The following PDE10A variants were observed in gnomAD, a reference collection of about 807,000 sequenced individuals.
PDE10A encodes phosphodiesterase 10A.
A neutral mutation model predicts 97.7 loss-of-function variants in PDE10A; 39 were observed. The observed-to-expected ratio is 0.40, with a 90% CI of 0.31 to 0.52. PDE10A has a LOEUF of 0.52. Ranked by LOEUF, PDE10A falls within the 20% of genes least tolerant of loss-of-function variation. The pLI, the probability that PDE10A is intolerant of heterozygous loss-of-function variation, is 0.56. For missense variants in PDE10A, 731 were observed against 1,047.8 expected (o/e 0.70, Z 4.17); for synonymous variants, 371 against 376.8 (o/e 0.98, Z 0.18).
At chr6:165,673,753 C>A (rs1189945929) in intron 1 of PDE10A, among the ~76,000 whole-genome samples, 1 of 152,124 alleles carries the variant, frequency 6.6e-6, no homozygotes, top group Non-Finnish European at 1.5e-5. Flanking sequence ...GAGTTTTTCC[C>A]TGAGTTGAGC....
At chr6:165,681,572 C>T (rs755669849) in intron 1 of PDE10A, among the ~76,000 whole-genome samples, 17 of 152,212 alleles carry the variant, frequency 1.1e-4, no homozygotes, top group Non-Finnish European at 1.6e-4. Context: ...CAGGGGATAC[C>T]GATGCTGCCG....
intron 1 of PDE10A, among the ~76,000 whole-genome samples, chr6:165,820,144 T>A (rs936431582): frequency 1.2e-4 from 18 of 152,250 alleles, no homozygotes; most frequent in African/African-American, 4.3e-4. Flanking sequence ...GCTGTGTGAT[T>A]TGAATCCATA....
At chr6:165,409,456 A>G (rs111396623) in intron 13 of PDE10A, 7,046 of 152,574 alleles carry the variant, frequency 0.046, 248 homozygotes, top group Non-Finnish European at 0.065. Flanking sequence ...CTGAGGCTGG[A>G]GAATCGTTTA....
intron 1 of PDE10A, among the ~76,000 whole-genome samples, chr6:165,878,157 A>C (rs77585694): frequency 0.082 from 12,553 of 152,274 alleles, 545 homozygotes; most frequent in Middle Eastern, 0.17. Flanking sequence ...TTTACTACCC[A>C]AAACCTGCCA....
chr6:165,826,018 C>T (rs2128470066), intron 1 of PDE10A, among the ~76,000 whole-genome samples: 1 of 152,304 alleles, frequency 6.6e-6, no homozygotes, highest in South Asian at 2.1e-4. Context: ...TCTCAAGCTC[C>T]TGAGACACCC....
At chr6:165,365,837 T>G (rs553044596) in intron 18 of PDE10A, among the ~76,000 whole-genome samples, 14 of 152,306 alleles carry the variant, frequency 9.2e-5, no homozygotes, top group African/African-American at 3.1e-4. Flanking sequence ...TTATTTAAAG[T>G]CTTCCAGATC....
At position 165,363,175 on chromosome 6, in the gene PDE10A, T is replaced by G. The variant is rs187719022; in HGVS notation, c.2783+16019A>C. Reference sequence around the variant, plus strand: ...AATCAGAAACAAGAAAAGGATGTCTTCTCTTGTCACTGATATTCAGCATAA... The same window carrying G: ...AATCAGAAACAAGAAAAGGATGTCTGCTCTTGTCACTGATATTCAGCATAA... On this transcript the variant is annotated intron_variant, in intron 18 of 21. Coordinates refer to ENST00000539869, the MANE Select transcript of PDE10A (RefSeq NM_001385079.1). Among the ~76,000 whole-genome samples the G allele has an allele frequency of 9.2e-4, 140 of 152,260 alleles. 1 individual carries two copies. Among genetic ancestry groups the G allele is most frequent in the Admixed American group, 1.5e-3 (23 of 15,290 alleles).
At chr6:165,638,134 G>T (rs546733840) in intron 1 of PDE10A, among the ~76,000 whole-genome samples, 1 of 152,114 alleles carries the variant, frequency 6.6e-6, no homozygotes, top group South Asian at 2.1e-4. Context: ...CAAAGATTAT[G>T]CCTTTGTGAA....
chr6:165,778,385 A>T (rs547613005), intron 1 of PDE10A, among the ~76,000 whole-genome samples: 12 of 152,254 alleles, frequency 7.9e-5, no homozygotes, highest in Non-Finnish European at 1.2e-4. Flanking sequence ...GTTTATTTTC[A>T]TTCAGTATTT....
chr6:165,340,656 A>C (rs1007262587), intron 19 of PDE10A, among the ~76,000 whole-genome samples: 2 of 152,258 alleles, frequency 1.3e-5, no homozygotes, highest in African/African-American at 4.8e-5. Flanking sequence ...AAAGGAAAAG[A>C]ACCCAGTGCT....
chr6:165,721,182 C>G (rs925789553), intron 1 of PDE10A, among the ~76,000 whole-genome samples: 2 of 152,100 alleles, frequency 1.3e-5, no homozygotes, highest in East Asian at 3.9e-4. Flanking sequence ...GGGAGTAAAA[C>G]CAGGCCACGG....
intron 2 of PDE10A, among the ~76,000 whole-genome samples, chr6:165,515,501 CA>C (rs1781744073): frequency 6.7e-6 from 1 of 149,612 alleles, no homozygotes; most frequent in African/African-American, 2.5e-5. Flanking sequence ...CACACACACA[CA>C]CACATATATA....
chr6:165,481,014 C>T (rs1185172646), intron 3 of PDE10A, among the ~76,000 whole-genome samples: 1 of 152,126 alleles, frequency 6.6e-6, no homozygotes, highest in Non-Finnish European at 1.5e-5. Flanking sequence ...GAAGAAAAAT[C>T]ACTACATAAA....
At chr6:165,498,458 A>AAAAAAAAAAAAAAAAAAC (rs1780675345) in intron 2 of PDE10A, among the ~76,000 whole-genome samples, 1 of 141,472 alleles carries the variant, frequency 7.1e-6, no homozygotes, top group African/African-American at 2.6e-5. Context: ...AAAAAAAAAA[A>AAAAAAAAAAAAAAAAAAC]AAAAAAAATC....
At chr6:165,975,324 T>G (rs1026211668) in intron 1 of PDE10A, among the ~76,000 whole-genome samples, 2 of 152,176 alleles carry the variant, frequency 1.3e-5, no homozygotes, top group Non-Finnish European at 2.9e-5. Context: ...AGACAATTTA[T>G]TCCAGGTGCA....
At chr6:165,689,476 G>A (rs1038070374) in intron 1 of PDE10A, among the ~76,000 whole-genome samples, 4 of 152,182 alleles carry the variant, frequency 2.6e-5, no homozygotes, top group African/African-American at 9.7e-5. Context: ...GGCCTAATGG[G>A]AAGTGTTTGG....
intron 1 of PDE10A, among the ~76,000 whole-genome samples, chr6:165,625,793 T>C (rs1470360136): frequency 1.3e-5 from 2 of 152,192 alleles, no homozygotes; most frequent in Non-Finnish European, 2.9e-5. Flanking sequence ...GAACTGTGAG[T>C]CCAGTAAACC....
intron 1 of PDE10A, among the ~76,000 whole-genome samples, chr6:165,973,474 A>G (rs952714947): frequency 6.6e-6 from 1 of 152,136 alleles, no homozygotes; most frequent in South Asian, 2.1e-4. Context: ...ATCCCTGCAT[A>G]TGTTTTGTGA....
chr6:165,334,289 G>A (rs368903986), intron 21 of PDE10A, among the ~76,000 whole-genome samples: 14 of 150,680 alleles, frequency 9.3e-5, no homozygotes, highest in East Asian at 3.9e-4. Context: ...CTACAGCGCC[G>A]GGCACGCGCC....
Sources: gnomAD v4.1 joint callset for allele counts (sites outside exome capture counted in the v4.1 genomes callset) on GRCh38, gnomAD v4.1.1 for gene constraint, MANE v1.5 for transcripts, NCBI Gene and HGNC (gene_info 2026-07-23, HGNC 2026-07-21) for gene names.